The following SLC71A2 variants were observed in gnomAD, a reference collection of about 807,000 sequenced individuals.
The protein encoded by SLC71A2 is solute carrier family 71 member 2.
chr9:94,378,162 C>T, the SLC71A2 span, among the ~76,000 whole-genome samples: 22 of 150,430 alleles, frequency 1.5e-4, no homozygotes, highest in African/African-American at 4.6e-4. Context: ...TAGCTGTTTG[C>T]GTTGCTGTAA....
chr9:94,396,714 A>G, the SLC71A2 span, among the ~76,000 whole-genome samples: 1 of 152,258 alleles, frequency 6.6e-6, no homozygotes, highest in Non-Finnish European at 1.5e-5. Flanking sequence ...TTATAAAAAT[A>G]AGCAGTGGAC....
At chr9:94,394,489 C>G in the SLC71A2 span, among the ~76,000 whole-genome samples, 41 of 92,632 alleles carry the variant, frequency 4.4e-4, 1 homozygote, top group South Asian at 7.5e-4. Context: ...GCTCTGTCAC[C>G]CAGGTTAGCG....
chr9:94,399,291 A>G, the SLC71A2 span, among the ~76,000 whole-genome samples: 1 of 152,076 alleles, frequency 6.6e-6, no homozygotes, highest in South Asian at 2.1e-4. Flanking sequence ...TGTTTCTCCA[A>G]GGAGCCCTGG....
chr9:94,407,209 TATTAC>T, the SLC71A2 span, among the ~76,000 whole-genome samples: 1 of 151,664 alleles, frequency 6.6e-6, no homozygotes, highest in African/African-American at 2.4e-5. Context: ...TAATGTGTTG[TATTAC>T]ATTGATTGGT....
At chr9:94,393,860 G>A in the SLC71A2 span, among the ~76,000 whole-genome samples, 2,052 of 84,958 alleles carry the variant, frequency 0.024, 521 homozygotes, top group African/African-American at 0.093. Flanking sequence ...CCTTCAGAGC[G>A]TATATTTCCA....
At chr9:94,399,047 T>A in the SLC71A2 span, among the ~76,000 whole-genome samples, 10,397 of 151,720 alleles carry the variant, frequency 0.069, 456 homozygotes, top group Non-Finnish European at 0.1. Flanking sequence ...AACTCCTGAC[T>A]TCAGGTGATC....
At chr9:94,386,849 T>G in the SLC71A2 span, among the ~76,000 whole-genome samples, 3 of 152,208 alleles carry the variant, frequency 2.0e-5, no homozygotes, top group Non-Finnish European at 4.4e-5. Context: ...TTGATTACTG[T>G]TAACTATTTT....
At chr9:94,414,957 C>A in the SLC71A2 span, among the ~76,000 whole-genome samples, 1 of 152,098 alleles carries the variant, frequency 6.6e-6, no homozygotes, top group Admixed American at 6.5e-5. Context: ...CACACCCAAC[C>A]GAAAGTCTGT....
the SLC71A2 span, among the ~76,000 whole-genome samples, chr9:94,417,519 C>T: frequency 6.6e-6 from 1 of 152,146 alleles, no homozygotes; most frequent in African/African-American, 2.4e-5. Context: ...CCCAGCTACT[C>T]GGAAGGCTGA....
chr9:94,438,781 C>T, the SLC71A2 span, among the ~76,000 whole-genome samples: 1 of 152,158 alleles, frequency 6.6e-6, no homozygotes, highest in Non-Finnish European at 1.5e-5. Context: ...AAAGATGCCT[C>T]TTCAGGCAGC....
At chr9:94,444,828 G>T in the SLC71A2 span, 1 of 695,272 alleles carries the variant, frequency 1.4e-6, no homozygotes, top group Non-Finnish European at 2.5e-6. Flanking sequence ...ATGGCTGCAG[G>T]TATGCACCTG....
At chr9:94,384,620 A>G in the SLC71A2 span, among the ~76,000 whole-genome samples, 696 of 152,318 alleles carry the variant, frequency 4.6e-3, 4 homozygotes, top group African/African-American at 0.015. Context: ...GATTACAGGC[A>G]TGAGCCTCCA....
the SLC71A2 span, among the ~76,000 whole-genome samples, chr9:94,426,530 C>A: frequency 6.6e-6 from 1 of 152,154 alleles, no homozygotes; most frequent in East Asian, 1.9e-4. Context: ...CCTTATGATT[C>A]TTGGCTTTCT....
the SLC71A2 span, among the ~76,000 whole-genome samples, chr9:94,413,472 A>G: frequency 6.6e-6 from 1 of 152,070 alleles, no homozygotes; most frequent in South Asian, 2.1e-4. Flanking sequence ...TGAAAATTCC[A>G]TGTACTCCTA....
At chr9:94,441,791 A>G in the SLC71A2 span, among the ~76,000 whole-genome samples, 31 of 152,224 alleles carry the variant, frequency 2.0e-4, no homozygotes, top group Non-Finnish European at 4.0e-4. Context: ...TAGTTGCTGA[A>G]TAACAAAAGT....
the SLC71A2 span, among the ~76,000 whole-genome samples, chr9:94,431,324 A>AT: frequency 6.6e-6 from 1 of 152,232 alleles, no homozygotes; most frequent in East Asian, 1.9e-4. Flanking sequence ...AAAAAAAAAA[A>AT]AAAATTATGC....
chr9:94,445,204 T>C, the SLC71A2 span: 15 of 1,545,492 alleles, frequency 9.7e-6, no homozygotes, highest in East Asian at 2.4e-5. Flanking sequence ...TATGGAAATA[T>C]TTACTTTCCT....
chr9:94,459,623 A>G, the SLC71A2 span: 1 of 518,074 alleles, frequency 1.9e-6, no homozygotes, highest in Non-Finnish European at 3.4e-6. Context: ...TATACATTAG[A>G]ACAAGATAAG....
the SLC71A2 span, among the ~76,000 whole-genome samples, chr9:94,446,324 C>G: frequency 7.2e-5 from 11 of 152,206 alleles, no homozygotes; most frequent in African/African-American, 2.7e-4. Context: ...TCAACAAGTT[C>G]TTACCAGTTT....
Sources: allele counts gnomAD v4.1 joint callset (sites outside exome capture counted in the v4.1 genomes callset), GRCh38; gene constraint gnomAD v4.1.1; transcripts MANE v1.5; gene names NCBI Gene and HGNC (gene_info 2026-07-23, HGNC 2026-07-21).